The following MTR variants were observed in gnomAD, a reference collection of about 807,000 sequenced individuals.
The protein encoded by MTR is methionine synthase.
A neutral mutation model predicts 154.8 loss-of-function variants in MTR; 84 were observed. That is an observed-to-expected ratio of 0.54 (90% CI 0.45 to 0.65). The LOEUF is 0.65. MTR is among the 30% of genes least tolerant of loss of function. The probability of loss-of-function intolerance (pLI) is 0.00; values close to 1 mark genes in which losing one functional copy is unlikely to be tolerated. For missense variants in MTR, 1,275 were observed against 1,570.2 expected (o/e 0.81, Z 3.18); for synonymous variants, 554 against 553.9 (o/e 1.00, Z 0.00).
chr1:236,815,697 T>C (rs767671115), intron 7 of MTR, 34 bp downstream of exon 7: 34 of 1,598,008 alleles, frequency 2.1e-5, no homozygotes, highest in Non-Finnish European at 2.7e-5. Flanking sequence ...ATACATTCTT[T>C]TATTAATAAT....
Position 236,903,627 on chromosome 1 carries a change from A to G in MTR, c.*5983A>G, listed in dbSNP as rs987609451. On this transcript the variant is annotated 3_prime_UTR_variant, in exon 33 of 33. Transcript: ENST00000366577. ...ATTCTATGAAATGGAAGAAACAAGA[A>G]CTAGACAGAGTCACAAATGCTGTTG... 15 of 152,188 alleles carry G rather than the reference A, an allele frequency of 9.9e-5. No homozygotes were observed. Among genetic ancestry groups the G allele is most frequent in the African/African-American group, 3.4e-4 (14 of 41,444 alleles). 9.4% of individuals were successfully genotyped at this position (152,188 alleles called of 1,614,324 possible).
chr1:236,861,313 ATCTTT>A, intron 20 of MTR, 36 bp downstream of exon 20: 2 of 1,613,414 alleles, frequency 1.2e-6, no homozygotes, highest in Non-Finnish European at 1.7e-6. Flanking sequence ...TCACAGTTGC[ATCTTT>A]TCTTTGTCAT....
At chr1:236,801,881 C>G (rs1660718389) in intron 1 of MTR, among the ~76,000 whole-genome samples, 1 of 152,156 alleles carries the variant, frequency 6.6e-6, no homozygotes, top group Admixed American at 6.5e-5. Flanking sequence ...TAGTGGTGCA[C>G]AGGATGGATT....
rs112438490 is a variant in MTR at position 236,894,342 on chromosome 1, C to T, written c.3205-15C>T. On this transcript the variant is annotated splice_polypyrimidine_tract_variant and intron_variant, in intron 29 of 32. Coordinates refer to ENST00000366577, the MANE Select transcript of MTR (RefSeq NM_000254.3). ...AACGGCGCCCCCGCACACTCCTACA[C>T]TCCTTGGTTTTAAGGCTGAGAAGGA... The T allele has an allele frequency of 6.8e-6, 11 of 1,614,174 alleles. No homozygotes were observed. The highest frequency in any genetic ancestry group is 2.7e-5 in the African/African-American group (2 of 75,068).
intron 31 of MTR, 41 bp from the exon 32 acceptor site, chr1:236,896,965 C>A: frequency 1.4e-6 from 2 of 1,452,342 alleles, no homozygotes; most frequent in Non-Finnish European, 1.9e-6. Context: ...CTGTGCTAGA[C>A]ACTGAGTCCA....
At chr1:236,855,839 A>G (rs1664173911) in intron 18 of MTR, among the ~76,000 whole-genome samples, 1 of 152,172 alleles carries the variant, frequency 6.6e-6, no homozygotes, top group Non-Finnish European at 1.5e-5. Context: ...CTTCCTTAGT[A>G]TGTGAAAACT....
At chr1:236,827,696 G>A (rs1662370799) in intron 11 of MTR, among the ~76,000 whole-genome samples, 1 of 152,172 alleles carries the variant, frequency 6.6e-6, no homozygotes, top group Non-Finnish European at 1.5e-5. Context: ...CTTAATTCAT[G>A]TTTTCAAGTG....
At chr1:236,820,333 C>G in intron 8 of MTR, 1 of 754,600 alleles carries the variant, frequency 1.3e-6, no homozygotes, top group Non-Finnish European at 2.4e-6. Context: ...ATGGACTGCT[C>G]CAGCTCCCGA....
chr1:236,853,554 T>C (rs2103257922), intron 18 of MTR, among the ~76,000 whole-genome samples: 1 of 152,312 alleles, frequency 6.6e-6, no homozygotes, highest in Admixed American at 6.5e-5. Flanking sequence ...AAAATAGAAC[T>C]ATACTCTAGA....
At chr1:236,839,441 TAAAG>T (rs1663102989) in intron 15 of MTR, among the ~76,000 whole-genome samples, 1 of 152,092 alleles carries the variant, frequency 6.6e-6, no homozygotes, top group South Asian at 2.1e-4. Context: ...TTGTAAACAT[TAAAG>T]AAATAAAAAG....
intron 18 of MTR, among the ~76,000 whole-genome samples, chr1:236,857,955 G>C (rs536863551): frequency 1.5e-4 from 23 of 152,370 alleles, no homozygotes; most frequent in African/African-American, 4.6e-4. Context: ...CATGTAGCCA[G>C]AGTCTGGCAT....
intron 15 of MTR, among the ~76,000 whole-genome samples, chr1:236,843,892 G>A (rs780044354): frequency 1.3e-5 from 2 of 152,198 alleles, no homozygotes; most frequent in East Asian, 1.9e-4. Context: ...TGGGTATGTC[G>A]AGTGTGCAGT....
At chr1:236,797,958 C>CAAAAAA (rs754624577) in intron 1 of MTR, among the ~76,000 whole-genome samples, 2 of 139,672 alleles carry the variant, frequency 1.4e-5, no homozygotes, top group Admixed American at 7.1e-5. Flanking sequence ...ACTTAGTCTC[C>CAAAAAA]AAAAAAAAAC....
At chr1:236,842,320 T>C (rs964587740) in intron 15 of MTR, among the ~76,000 whole-genome samples, 7 of 152,044 alleles carry the variant, frequency 4.6e-5, no homozygotes, top group Non-Finnish European at 4.4e-5. Context: ...TGGCACTCAG[T>C]AGGCCTTTCA....
chr1:236,849,626 A>G (rs1663784597), intron 15 of MTR, among the ~76,000 whole-genome samples: 1 of 152,190 alleles, frequency 6.6e-6, no homozygotes, highest in Non-Finnish European at 1.5e-5. Flanking sequence ...TGCGGAGTAG[A>G]GGAGAGGGCA....
intron 15 of MTR, among the ~76,000 whole-genome samples, chr1:236,839,459 A>C (rs889291887): frequency 1.3e-5 from 2 of 152,212 alleles, no homozygotes; most frequent in African/African-American, 4.8e-5. Flanking sequence ...TAAAAAGTAA[A>C]GAAATAATGA....
In MTR at chr1:236,894,470, G is replaced by A. The variant is rs1666509554; in HGVS notation, c.3318G>A (p.Gly1106=). ...GCCTGTTTGCCGTTGCCTGCTTTGG[G>A]GTAGAAGAGCTGAGCAAGGCCTATG... ...YLGLFAVACF[G]VEELSKAYED... Residue 1106 remains glycine, a synonymous_variant, in exon 30 of 33, where the codon GGG becomes GGA. Coordinates refer to ENST00000366577, the MANE Select transcript of MTR (RefSeq NM_000254.3). 6.2e-7 allele frequency: 1 copy of A among 1,614,152 alleles called. No individual in the cohort carries two copies. Among genetic ancestry groups the A allele is most frequent in the Non-Finnish European group, 8.5e-7 (1 of 1,180,042 alleles).
At chr1:236,887,119 G>T (rs571765725) in intron 27 of MTR, among the ~76,000 whole-genome samples, 7 of 152,304 alleles carry the variant, frequency 4.6e-5, no homozygotes, top group Admixed American at 3.9e-4. Flanking sequence ...GTGAACAGGG[G>T]TTATATTAAT....
intron 22 of MTR, among the ~76,000 whole-genome samples, chr1:236,870,363 G>A (rs541479215): frequency 3.6e-4 from 55 of 152,300 alleles, no homozygotes; most frequent in Admixed American, 1.1e-3. Flanking sequence ...TCTGGGAGTG[G>A]TCTTTAAACA....
Sources: allele counts gnomAD v4.1 joint callset (sites outside exome capture counted in the v4.1 genomes callset), GRCh38; gene constraint gnomAD v4.1.1; transcripts MANE v1.5; gene names NCBI Gene and HGNC (gene_info 2026-07-23, HGNC 2026-07-21).